The following FAM184B variants were observed in gnomAD, a reference collection of about 807,000 sequenced individuals.
The protein encoded by FAM184B is family with sequence similarity 184 member B.
FAM184B carries 111 observed loss-of-function variants against 135.9 expected under a neutral mutation model. The observed-to-expected ratio is 0.82, with a 90% CI of 0.70 to 0.96. The LOEUF (loss-of-function observed/expected upper bound fraction) is 0.96. FAM184B is among the 40% of genes least tolerant of loss of function. The pLI, the probability that FAM184B is intolerant of heterozygous loss-of-function variation, is 0.00. For missense variants in FAM184B, 1,375 were observed against 1,323.9 expected, an observed-to-expected ratio of 1.04 and a Z score of -0.60; for synonymous variants, 552 against 524.8, an observed-to-expected ratio of 1.05 and a Z score of -0.71.
At chr4:17,728,337 T>C (rs1203868203) in intron 1 of FAM184B, among the ~76,000 whole-genome samples, 2 of 152,072 alleles carry the variant, frequency 1.3e-5, no homozygotes, top group Non-Finnish European at 2.9e-5. Context: ...CAGTGAGCTA[T>C]GATCATGCCA....
Position 17,722,609 on chromosome 4 carries a change from A to G in FAM184B, c.142-12965T>C, listed in dbSNP as rs572735529. ...CAATTTAGGCTGAGACTTAGCTGAA[A>G]GACGAGGGTGGGCTCCCAGGAAGGT... On this transcript the variant is annotated intron_variant, in intron 1 of 17. Transcript: ENST00000265018. 2.5e-4 allele frequency among the ~76,000 whole-genome samples: 38 copies of G among 152,334 alleles called. No individual in the cohort carries two copies. The South Asian group carries it at 7.9e-3, about 32-fold the overall frequency.
At chr4:17,766,320 C>G (rs1718686429) in intron 1 of FAM184B, among the ~76,000 whole-genome samples, 1 of 152,204 alleles carries the variant, frequency 6.6e-6, no homozygotes, top group Non-Finnish European at 1.5e-5. Flanking sequence ...CAAGTCCTCA[C>G]TGGATTAGCT....
chr4:17,650,162 A>C (rs1023102370), intron 11 of FAM184B, among the ~76,000 whole-genome samples: 12 of 149,030 alleles, frequency 8.1e-5, no homozygotes, highest in Non-Finnish European at 1.2e-4. Flanking sequence ...CTACCCATCC[A>C]CCCACACCCC....
At chr4:17,710,063 C>T (rs919887930) in intron 1 of FAM184B, among the ~76,000 whole-genome samples, 1 of 152,082 alleles carries the variant, frequency 6.6e-6, no homozygotes, top group African/African-American at 2.4e-5. Context: ...CGGTGGCTCA[C>T]GGCTGTAATC....
At position 17,727,509 on chromosome 4, in the gene FAM184B, T is replaced by C. The variant is rs147705784; in HGVS notation, c.142-17865A>G. On this transcript the variant is annotated intron_variant, in intron 1 of 17. Coordinates refer to ENST00000265018, the MANE Select transcript of FAM184B (RefSeq NM_015688.2). ...CAAAAGAGGTTTAATTGACTCACAG[T>C]TCCACATGGCTGGGGAGGCCTCAGG... Among the ~76,000 whole-genome samples the C allele has an allele frequency of 6.4e-4, 97 of 152,316 alleles. 1 individual carries two copies. The East Asian group carries it at 0.018, about 28-fold the overall frequency.
intron 12 of FAM184B, among the ~76,000 whole-genome samples, chr4:17,646,249 A>G (rs558936957): frequency 5.1e-4 from 77 of 152,034 alleles, no homozygotes; most frequent in African/African-American, 1.8e-3. Context: ...AAAGGATTAT[A>G]AATCATGCTG....
rs1279359049 is a variant in FAM184B at position 17,781,470 on chromosome 4, G to A, written c.-171C>T. On this transcript the variant is annotated 5_prime_UTR_variant, in exon 1 of 18. Coordinates refer to ENST00000265018, the MANE Select transcript of FAM184B (RefSeq NM_015688.2). The surrounding 1 kb of genome is among the most constrained non-coding windows in gnomAD (Gnocchi z 6.5). ...AGCTTCCCGAAGGTCTCCGCCTCCC[G>A]GGCCCACCCGCGCGCCCACCCTTTT... 13 of 773,990 alleles carry A rather than the reference G, an allele frequency of 1.7e-5. No individual in the cohort carries two copies. The highest frequency in any genetic ancestry group is 1.8e-5 in the African/African-American group (1 of 54,084). The allele number at this position is 773,990 out of a possible 1,614,324, so 47.9% of individuals were successfully genotyped here.
intron 7 of FAM184B, among the ~76,000 whole-genome samples, chr4:17,670,033 G>A (rs918172985): frequency 2.6e-5 from 4 of 152,090 alleles, no homozygotes; most frequent in Admixed American, 2.0e-4. Flanking sequence ...TCAACCCAGT[G>A]CTCACATTTT....
chr4:17,689,953 T>A (rs4698647), intron 6 of FAM184B, among the ~76,000 whole-genome samples: 90,618 of 151,650 alleles, frequency 0.6, 27,656 homozygotes, highest in East Asian at 0.87. Context: ...GTTTGAGACC[T>A]GTCTGGCCAA....
At chr4:17,635,311 T>C (rs1577239201) in intron 15 of FAM184B, among the ~76,000 whole-genome samples, 198 bp from the exon 16 acceptor site, 1 of 152,110 alleles carries the variant, frequency 6.6e-6, no homozygotes, top group East Asian at 1.9e-4. Context: ...GCCCCTCTTG[T>C]AAAGAAAAGG....
chr4:17,639,640 G>T (rs1171316918), intron 13 of FAM184B, among the ~76,000 whole-genome samples: 2 of 152,132 alleles, frequency 1.3e-5, no homozygotes, highest in South Asian at 2.1e-4. Context: ...TGAGCATGGG[G>T]ACAGACTTCA....
At chr4:17,653,291 A>C (rs1266701671) in intron 10 of FAM184B, among the ~76,000 whole-genome samples, 1 of 152,222 alleles carries the variant, frequency 6.6e-6, no homozygotes, top group African/African-American at 2.4e-5. Context: ...AGACTGACAG[A>C]CAGATACTGA....
At chr4:17,733,078 A>T (rs542737868) in intron 1 of FAM184B, among the ~76,000 whole-genome samples, 1 of 152,290 alleles carries the variant, frequency 6.6e-6, no homozygotes, top group African/African-American at 2.4e-5. Flanking sequence ...AGAACCAAAG[A>T]CAAAAACCAC....
At chr4:17,728,059 C>A (rs1374712316) in intron 1 of FAM184B, among the ~76,000 whole-genome samples, 1 of 152,062 alleles carries the variant, frequency 6.6e-6, no homozygotes, top group Admixed American at 6.6e-5. Context: ...GGGAGGATCA[C>A]TTAAATCTAG....
rs1486200866 is a variant in FAM184B at position 17,660,074 on chromosome 4, G to A, written c.1708C>T (p.Leu570Phe). Residue 570 changes from leucine to phenylalanine, a missense_variant, in exon 9 of 18, where the codon CTC (leucine) becomes TTC (phenylalanine). Leu to Phe is a conservative substitution (Grantham distance 22). Coordinates refer to ENST00000265018, the MANE Select transcript of FAM184B (RefSeq NM_015688.2). ...SDEEERTKVL[L>F]KEGSDPQPPL... ...GGTTGTGGGTCACTTCCCTCCTTGAGAAGCACTTTGGTCCTTTGAAGATAA... is the reference window on the plus strand; with the variant it reads ...GGTTGTGGGTCACTTCCCTCCTTGAAAAGCACTTTGGTCCTTTGAAGATAA... The A allele has an allele frequency of 1.9e-6, 3 of 1,551,398 alleles. No homozygotes were observed. The highest frequency in any genetic ancestry group is 2.0e-5 in the Admixed American group (1 of 50,980).
chr4:17,695,103 G>A (rs1269459599), intron 5 of FAM184B, among the ~76,000 whole-genome samples: 2 of 152,094 alleles, frequency 1.3e-5, no homozygotes, highest in Non-Finnish European at 2.9e-5. Flanking sequence ...AGACTAACCA[G>A]TGAGGAGTGA....
chr4:17,646,132 G>T (rs1715460495), intron 12 of FAM184B, among the ~76,000 whole-genome samples: 1 of 152,210 alleles, frequency 6.6e-6, no homozygotes, highest in Non-Finnish European at 1.5e-5. Context: ...CTGTTGGTGG[G>T]ACTGTAAACT....
chr4:17,781,087 G>A lies in FAM184B; in HGVS notation c.141+72C>T, dbSNP rs1169189362. On this transcript the variant is annotated intron_variant, in intron 1 of 17. Transcript: ENST00000265018. The surrounding 1 kb of genome is among the most constrained non-coding windows in gnomAD (Gnocchi z 6.5). ...GGATTTGGCCCGGGCCTCCCGGGAG[G>A]CGCATCCGCACTGACTCCCGGCTCG... The A allele has an allele frequency of 7.0e-7, 1 of 1,427,438 alleles. No individual in the cohort carries two copies. The allele number at this position is 1,427,438 out of a possible 1,614,324, so 88.4% of individuals were successfully genotyped here. A position where few individuals can be genotyped will look rare whatever the true frequency, so the allele number is the denominator to read the frequency against.
chr4:17,755,850 C>A (rs1190422011), intron 1 of FAM184B, among the ~76,000 whole-genome samples: 1 of 152,068 alleles, frequency 6.6e-6, no homozygotes, highest in Non-Finnish European at 1.5e-5. Context: ...TAAATGGGAA[C>A]CGAATGATGA....
Sources: allele counts gnomAD v4.1 joint callset (sites outside exome capture counted in the v4.1 genomes callset), GRCh38; gene constraint gnomAD v4.1.1; non-coding constraint Gnocchi (gnomAD v3.1); transcripts MANE v1.5; gene names NCBI Gene and HGNC (gene_info 2026-07-23, HGNC 2026-07-21).